Variants in BHMT observed in about 807,000 individuals in gnomAD.
BHMT encodes the protein betaine--homocysteine S-methyltransferase.
BHMT carries 38 observed loss-of-function variants against 49.5 expected under a neutral mutation model. That is an observed-to-expected ratio of 0.77 (90% confidence interval 0.59 to 1.01). The LOEUF (loss-of-function observed/expected upper bound fraction) is 1.01. Ranked by LOEUF, BHMT falls within the 50% of genes least tolerant of loss-of-function variation. The pLI, the probability that BHMT is intolerant of heterozygous loss-of-function variation, is 0.00. For missense variants in BHMT, 426 were observed against 495.7 expected (o/e 0.86, Z 1.34); for synonymous variants, 166 against 176.3 (o/e 0.94, Z 0.46).
intron 7 of BHMT, among the ~76,000 whole-genome samples, chr5:79,130,644 T>A (rs1305701225): frequency 6.7e-6 from 1 of 150,258 alleles, no homozygotes; most frequent in Non-Finnish European, 1.5e-5. Context: ...GTTAATGGTA[T>A]GTCATACTTT....
intron 7 of BHMT, among the ~76,000 whole-genome samples, chr5:79,128,840 G>A (rs1019045061): frequency 6.6e-6 from 1 of 152,142 alleles, no homozygotes; most frequent in Non-Finnish European, 1.5e-5. Context: ...AAGGGCAGTA[G>A]GAATATAGAA....
Position 79,120,551 on chromosome 5 carries a change from G to A in BHMT, c.477+10G>A. On this transcript the variant is annotated intron_variant, in intron 4 of 7. Transcript: ENST00000274353. The stretch of plus-strand genomic sequence containing the variant: ...CTTCTTGATTGCAGAGGTAAAGAAA[G>A]ATGTGGTGAAAGATAAGACAAATAC... 6.2e-7 allele frequency: 1 copy of A among 1,602,092 alleles called. No homozygotes were observed. The highest frequency in any genetic ancestry group is 1.3e-5 in the African/African-American group (1 of 74,522).
chr5:79,121,817 T>TAAAA (rs34861837), intron 5 of BHMT, among the ~76,000 whole-genome samples: 7 of 126,214 alleles, frequency 5.5e-5, no homozygotes, highest in Non-Finnish European at 8.3e-5. Context: ...TCCGTCTCAA[T>TAAAA]AAAAAAAAAA....
At chr5:79,124,565 G>A (rs533245043) in intron 5 of BHMT, among the ~76,000 whole-genome samples, 20 of 152,098 alleles carry the variant, frequency 1.3e-4, no homozygotes, top group Non-Finnish European at 2.9e-4. Flanking sequence ...CAAATCTTCT[G>A]GAGGAGGAAA....
Position 79,127,999 on chromosome 5 carries a change from C to T in BHMT, c.1037+16C>T. 1 of 1,593,738 alleles carries T rather than the reference C, an allele frequency of 6.3e-7. No homozygotes were observed. The highest frequency in any genetic ancestry group is 8.6e-7 in the Non-Finnish European group (1 of 1,169,112). On this transcript the variant is annotated intron_variant, in intron 7 of 7. Transcript: ENST00000274353. ...TTAGAGCAAGGTAAGCATCTTTTTA[C>T]TAACCCAAACTAATTTAGATTATGA...
At chr5:79,114,860 A>C (rs958350531) in intron 1 of BHMT, among the ~76,000 whole-genome samples, 9 of 152,194 alleles carry the variant, frequency 5.9e-5, no homozygotes, top group African/African-American at 2.2e-4. Context: ...AATTACAAAA[A>C]ATCTATTAAA....
Position 79,131,176 on chromosome 5 carries a change from A to G in BHMT, c.*60A>G. On this transcript the variant is annotated 3_prime_UTR_variant, in exon 8 of 8. Transcript: ENST00000274353. ...TGTTTGGGTCACAGTTCCTACAAAT[A>G]CGGAAAAGGGGGTTAAAAAGCAGTG... 1 of 1,512,598 alleles carries G rather than the reference A, an allele frequency of 6.6e-7. No homozygotes were observed. The highest frequency in any genetic ancestry group is 9.0e-7 in the Non-Finnish European group (1 of 1,115,960). 93.7% of individuals were successfully genotyped at this position (1,512,598 alleles called of 1,614,324 possible). A position where few individuals can be genotyped will look rare whatever the true frequency, so the allele number is the denominator to read the frequency against.
At chr5:79,130,618 A>G (rs751655985) in intron 7 of BHMT, among the ~76,000 whole-genome samples, 1 of 151,244 alleles carries the variant, frequency 6.6e-6, no homozygotes, top group East Asian at 2.0e-4. Flanking sequence ...CCCTGAGCAC[A>G]TGATTTTTTC....
chr5:79,117,570 A>C (rs1256478137), intron 2 of BHMT, among the ~76,000 whole-genome samples: 2 of 152,154 alleles, frequency 1.3e-5, no homozygotes, highest in African/African-American at 2.4e-5. Context: ...AGCTTTTTTC[A>C]CTTGTGTATT....
chr5:79,113,875 C>T (rs973780789), intron 1 of BHMT, among the ~76,000 whole-genome samples: 2 of 152,010 alleles, frequency 1.3e-5, no homozygotes, highest in African/African-American at 4.8e-5. Flanking sequence ...AATTGAATCG[C>T]CACTACCCAC....
At chr5:79,117,242 G>A (rs1247898138) in intron 2 of BHMT, among the ~76,000 whole-genome samples, 1 of 152,100 alleles carries the variant, frequency 6.6e-6, no homozygotes, top group Non-Finnish European at 1.5e-5. Context: ...ACATTTCCAG[G>A]GTTTTTTTCA....
In BHMT at chr5:79,121,244, G is replaced by C. The variant is rs1756466441; in HGVS notation, c.504G>C (p.Val168=). 6.2e-7 allele frequency: 1 copy of C among 1,614,162 alleles called. No individual in the cohort carries two copies. Among genetic ancestry groups the C allele is most frequent in the Non-Finnish European group, 8.5e-7 (1 of 1,180,000 alleles). ...ATTTTGAACACGTTGAAGAAGCTGT[G>C]TGGGCAGTTGAAACCTTGATAGCAT... The part of the protein sequence containing the change: ...AEYFEHVEEA[V]WAVETLIASG... Residue 168 remains valine (V), a synonymous_variant, in exon 5 of 8, where the codon GTG becomes GTC. Transcript: ENST00000274353.
chr5:79,131,900 A>T lies in BHMT; in HGVS notation c.*784A>T, dbSNP rs1374010236. 2 of 150,854 alleles carry T rather than the reference A, an allele frequency of 1.3e-5. No homozygotes were observed. Among genetic ancestry groups the T allele is most frequent in the African/African-American group, 5.0e-5 (2 of 40,388 alleles). The allele number at this position is 150,854 out of a possible 1,614,324, so 9.3% of individuals were successfully genotyped here. On this transcript the variant is annotated 3_prime_UTR_variant, in exon 8 of 8. Transcript: ENST00000274353. ...TTCTACCAGTAAAAGACATAGACCA[A>T]TGGGGAGGAGGGGAGGAGAGATGGA... is the stretch of plus-strand genomic sequence containing the variant.
At chr5:79,129,842 A>G (rs1405450997) in intron 7 of BHMT, among the ~76,000 whole-genome samples, 1 of 152,048 alleles carries the variant, frequency 6.6e-6, no homozygotes, top group Non-Finnish European at 1.5e-5. Context: ...CCTATCCCAA[A>G]TTTTCCCTGT....
At chr5:79,122,103 G>A (rs1002886008) in intron 5 of BHMT, among the ~76,000 whole-genome samples, 4 of 151,748 alleles carry the variant, frequency 2.6e-5, no homozygotes, top group African/African-American at 7.3e-5. Flanking sequence ...CACCATGCCT[G>A]GCTAATTTTT....
At chr5:79,123,519 GGTTGGTTGGTTGGTTGGTTGGTTGGTTC>G (rs1245670442) in intron 5 of BHMT, among the ~76,000 whole-genome samples, 1 of 80,188 alleles carries the variant, frequency 1.2e-5, no homozygotes, top group Non-Finnish European at 2.8e-5. Flanking sequence ...AGTCCTTTTT[GGTTGGTTGGTTGGTTGGTTGGTTGGTTC>G]GTTGGTTGGT....
rs1756575063 is a variant in BHMT at position 79,127,838 on chromosome 5, G to A, written c.892G>A (p.Gly298Arg). ...CAACCTGGGGGTCAGGTACATTGGC[G>A]GGTGCTGTGGATTTGAGCCCTACCA... ...AYNLGVRYIG[G>R]CCGFEPYHIR... The change falls in exon 7 of 8, where the codon GGG (glycine) becomes AGG (arginine). Residue 298 changes from glycine (G) to arginine (R), a missense_variant. This residue lies in a region of BHMT where 32 missense variants were observed against 71.6 expected (regional missense o/e 0.45). Transcript: ENST00000274353. 3.1e-6 allele frequency: 5 copies of A among 1,613,980 alleles called. No homozygotes were observed. The highest frequency in any genetic ancestry group is 1.1e-5 in the South Asian group (1 of 91,082).
Position 79,131,214 on chromosome 5 carries a change from C to T in BHMT, c.*98C>T, listed in dbSNP as rs1756638011. On this transcript the variant is annotated 3_prime_UTR_variant, in exon 8 of 8. Coordinates refer to ENST00000274353, the MANE Select transcript of BHMT (RefSeq NM_001713.3). ...TTAAAAAGCAGTGCTTTCATGAATG[C>T]CATCCTACACATATTATTGCTATTA... The T allele has an allele frequency of 1.8e-6, 2 of 1,109,956 alleles. No individual in the cohort carries two copies. The highest frequency in any genetic ancestry group is 2.6e-6 in the Non-Finnish European group (2 of 777,088). The allele number at this position is 1,109,956 out of a possible 1,614,324, so 68.8% of individuals were successfully genotyped here.
intron 7 of BHMT, 86 bp downstream of exon 7, chr5:79,128,069 G>A: frequency 1.4e-6 from 2 of 1,458,808 alleles, no homozygotes; most frequent in Non-Finnish European, 9.3e-7. Flanking sequence ...CAAATTTGTT[G>A]TGTGATGATG....
Sources: allele counts gnomAD v4.1 joint callset (sites outside exome capture counted in the v4.1 genomes callset), GRCh38; gene constraint gnomAD v4.1.1; regional missense constraint gnomAD v4.1.1; transcripts MANE v1.5; gene names NCBI Gene and HGNC (gene_info 2026-07-23, HGNC 2026-07-21).